POT1: variants seen among roughly 807,000 people sequenced by gnomAD.
POT1 encodes the protein protection of telomeres protein 1.
Under a neutral mutation model 78.5 loss-of-function variants are expected in POT1, and 47 were observed. The observed-to-expected ratio is 0.60, with a 90% confidence interval of 0.47 to 0.76. The LOEUF is 0.76. POT1 is among the 30% of genes least tolerant of loss of function. The probability of loss-of-function intolerance (pLI) is 0.00; values close to 1 mark genes in which losing one functional copy is unlikely to be tolerated. For missense variants in POT1, 646 were observed against 749.9 expected (o/e 0.86, Z 1.62); for synonymous variants, 259 against 260.7 (o/e 0.99, Z 0.06).
At chr7:124,831,888 A>G (rs1291022994) in intron 15 of POT1, among the ~76,000 whole-genome samples, 1 of 151,852 alleles carries the variant, frequency 6.6e-6, no homozygotes, top group Non-Finnish European at 1.5e-5. Context: ...AACATTGATG[A>G]GAAGGATTTA....
chr7:124,892,417 A>AG (rs765413309), intron 5 of POT1, 37 bp from the exon 6 acceptor site: 1 of 993,932 alleles, frequency 1.0e-6, no homozygotes, highest in East Asian at 2.9e-5. Flanking sequence ...ATTTATACAA[A>AG]GTATTTACAT....
Position 124,841,004 on chromosome 7 carries a change from C to A in POT1, c.1338G>T (p.Pro446=), listed in dbSNP as rs185651210. The A allele has an allele frequency of 5.6e-6, 9 of 1,609,592 alleles. No homozygotes were observed. The Admixed American group carries it at 1.5e-4, about 27-fold the overall frequency. Residue 446 remains proline, a synonymous_variant, in exon 14 of 19, where the codon CCG becomes CCT. Transcript: ENST00000357628. ...VHFVKNNGIL[P]LSNECLLLIE... The stretch of plus-strand genomic sequence containing the variant: ...TCAAAAGTAGACATTCATTTGAAAG[C>A]GGGAGAATACCATTATTTTTCACAA...
intron 8 of POT1, among the ~76,000 whole-genome samples, chr7:124,859,404 A>T (rs550259573): frequency 6.6e-6 from 1 of 152,296 alleles, no homozygotes; most frequent in East Asian, 1.9e-4. Context: ...AATGATCTTG[A>T]AAAACACTCA....
intron 6 of POT1, among the ~76,000 whole-genome samples, chr7:124,872,050 A>ACACAGAATGG (rs1279054897): frequency 2.0e-5 from 3 of 152,092 alleles, no homozygotes; most frequent in Non-Finnish European, 2.9e-5. Context: ...ACCCCTGGCA[A>ACACAGAATGG]CAACCATTCT....
intron 4 of POT1, among the ~76,000 whole-genome samples, chr7:124,897,649 T>C (rs1158070834): frequency 1.3e-5 from 2 of 151,848 alleles, no homozygotes; most frequent in African/African-American, 4.8e-5. Context: ...CAGTGATCAC[T>C]CTAACTGCAA....
chr7:124,832,828 A>G (rs1265151829), intron 15 of POT1, among the ~76,000 whole-genome samples: 1 of 151,994 alleles, frequency 6.6e-6, no homozygotes, highest in Non-Finnish European at 1.5e-5. Context: ...TCTCAAAAAA[A>G]AAAAAAAAAA....
rs746091720 is a variant in POT1 at position 124,851,895 on chromosome 7, G to A, written c.926C>T (p.Ser309Leu). 8 of 1,610,488 alleles carry A rather than the reference G, an allele frequency of 5.0e-6. No individual in the cohort carries two copies. In the South Asian group the frequency reaches 8.8e-5, roughly 18 times the overall value. The part of the protein sequence containing the change: ...ANQHSDVICQ[S>L]EPDDSFPSSG... The stretch of plus-strand genomic sequence containing the variant: ...ACTTGGAAAGCTGTCGTCAGGTTCT[G>A]ATTGACAGATAACATCTGAATGCTG... The change falls in exon 11 of 19, where the codon TCA becomes TTA. Residue 309 changes from serine to leucine, a missense_variant. Ser to Leu is a moderately radical substitution (Grantham distance 145). Coordinates refer to ENST00000357628, the MANE Select transcript of POT1 (RefSeq NM_015450.3).
At chr7:124,868,936 T>C (rs66965758) in intron 7 of POT1, among the ~76,000 whole-genome samples, 6,352 of 151,964 alleles carry the variant, frequency 0.042, 327 homozygotes, top group African/African-American at 0.12. Flanking sequence ...AATTCAATTA[T>C]ATATTGAACT....
rs940748353 is a variant in POT1 at position 124,852,398 on chromosome 7, G to C, written c.870-447C>G. On this transcript the variant is annotated intron_variant, in intron 10 of 18. Coordinates refer to ENST00000357628, the MANE Select transcript of POT1 (RefSeq NM_015450.3). ...TATGTTTTCTCTTTGAAGATATGAA[G>C]ATTTTTTAAATTTCTAGAATATTGA... is the stretch of plus-strand genomic sequence containing the variant. 4.6e-5 allele frequency among the ~76,000 whole-genome samples: 7 copies of C among 152,172 alleles called. No individual in the cohort carries two copies. The East Asian group carries it at 1.2e-3, about 25-fold the overall frequency.
rs180920781 is a variant in POT1 at position 124,886,743 on chromosome 7, T to C, written c.124+5523A>G. ...TAGAGATATAAGACACATATGAAAATATAATACATATTCTTGTTCCCCATG... is the reference window on the plus strand; with the variant it reads ...TAGAGATATAAGACACATATGAAAACATAATACATATTCTTGTTCCCCATG... On this transcript the variant is annotated intron_variant, in intron 6 of 18. Transcript: ENST00000357628. 1.2e-3 allele frequency among the ~76,000 whole-genome samples: 177 copies of C among 152,186 alleles called. 1 individual carries two copies. Among genetic ancestry groups the C allele is most frequent in the African/African-American group, 3.9e-3 (161 of 41,522 alleles).
chr7:124,883,842 T>C (rs1289108388), intron 6 of POT1, among the ~76,000 whole-genome samples: 1 of 151,850 alleles, frequency 6.6e-6, no homozygotes, highest in African/African-American at 2.4e-5. Context: ...GATTAAATAA[T>C]TATTACATAT....
chr7:124,888,231 C>T (rs1563006396), intron 6 of POT1, among the ~76,000 whole-genome samples: 1 of 152,076 alleles, frequency 6.6e-6, no homozygotes, highest in Non-Finnish European at 1.5e-5. Flanking sequence ...ATACTTTCCC[C>T]ATTATATATT....
At chr7:124,850,176 T>TAC (rs1173168406) in intron 11 of POT1, among the ~76,000 whole-genome samples, 2 of 152,210 alleles carry the variant, frequency 1.3e-5, no homozygotes, top group African/African-American at 4.8e-5. Flanking sequence ...CAAGTAATCA[T>TAC]ACACCAGGCC....
At chr7:124,827,160 T>A in intron 17 of POT1, 54 bp downstream of exon 17, 1 of 1,087,692 alleles carries the variant, frequency 9.2e-7, no homozygotes, top group Non-Finnish European at 1.3e-6. Flanking sequence ...ATGTATTCAA[T>A]TTTTTAAATA....
At chr7:124,864,082 A>G (rs1795664190) in intron 7 of POT1, among the ~76,000 whole-genome samples, 2 of 152,204 alleles carry the variant, frequency 1.3e-5, no homozygotes, top group Non-Finnish European at 2.9e-5. Context: ...GAGTTTAATC[A>G]GAGTGACTGA....
chr7:124,922,095 G>A (rs78467560), intron 2 of POT1, among the ~76,000 whole-genome samples: 915 of 151,858 alleles, frequency 6.0e-3, no homozygotes, highest in Non-Finnish European at 9.6e-3. Flanking sequence ...CAGTGGACCG[G>A]CATCTCTATA....
chr7:124,868,673 C>T (rs981808241), intron 7 of POT1, among the ~76,000 whole-genome samples: 1 of 149,628 alleles, frequency 6.7e-6, no homozygotes, highest in African/African-American at 2.5e-5. Flanking sequence ...AAGTAATAAT[C>T]CTAAGGAATT....
At chr7:124,826,871 AAAACAAAC>A (rs61096064) in intron 17 of POT1, among the ~76,000 whole-genome samples, 24 of 150,352 alleles carry the variant, frequency 1.6e-4, no homozygotes, top group Non-Finnish European at 2.4e-4. Context: ...TCCATCTCAA[AAAACAAAC>A]AAACAAACAA....
In POT1 at chr7:124,861,084, T is replaced by C. The variant is rs923389012; in HGVS notation, c.547-1972A>G. 1.8e-4 allele frequency among the ~76,000 whole-genome samples: 28 copies of C among 152,202 alleles called. 1 individual carries two copies. The highest frequency in any genetic ancestry group is 7.3e-5 in the Non-Finnish European group (5 of 68,042). ...ATAAACATACGTGTGCATGTGTCTT[T>C]ATAGGAGAATGATTTATAATCCTTT... On this transcript the variant is annotated intron_variant, in intron 8 of 18. Transcript: ENST00000357628.
Sources: gnomAD v4.1 joint callset for allele counts (sites outside exome capture counted in the v4.1 genomes callset) on GRCh38, gnomAD v4.1.1 for gene constraint, MANE v1.5 for transcripts, NCBI Gene and HGNC (gene_info 2026-07-23, HGNC 2026-07-21) for gene names.